SFMBT2: variants seen among roughly 807,000 people sequenced by gnomAD.
SFMBT2 encodes the protein scm-like with four MBT domains protein 2.
SFMBT2 carries 38 observed loss-of-function variants against 110.1 expected under a neutral mutation model. That is an observed-to-expected ratio of 0.35 (90% CI 0.27 to 0.45). SFMBT2 has a LOEUF of 0.45. Among genes scored for constraint, SFMBT2 ranks in the 20% least tolerant of loss-of-function variants. SFMBT2 has a pLI of 1.00. For missense variants in SFMBT2, 1,011 were observed against 1,094.9 expected, an observed-to-expected ratio of 0.92 and a Z score of 1.08; for synonymous variants, 425 against 425.4, an observed-to-expected ratio of 1.00 and a Z score of 0.01.
intron 2 of SFMBT2, among the ~76,000 whole-genome samples, chr10:7,371,887 C>T (rs4748875): frequency 0.11 from 15,642 of 145,352 alleles, 1,086 homozygotes; most frequent in African/African-American, 0.2. Context: ...ATGCCTTCTT[C>T]TGGAGACTAT....
intron 4 of SFMBT2, among the ~76,000 whole-genome samples, chr10:7,346,939 G>A (rs1276866529): frequency 5.9e-5 from 9 of 152,056 alleles, no homozygotes; most frequent in Admixed American, 4.6e-4. Context: ...ACAGTAAGCC[G>A]AGATTGTGCC....
At chr10:7,314,409 T>G (rs1023866192) in intron 4 of SFMBT2, among the ~76,000 whole-genome samples, 1 of 152,228 alleles carries the variant, frequency 6.6e-6, no homozygotes, top group African/African-American at 2.4e-5. Flanking sequence ...ATCCAAATGT[T>G]GAACTGCTAG....
At chr10:7,260,561 T>C (rs78984016) in intron 7 of SFMBT2, among the ~76,000 whole-genome samples, 9,598 of 152,172 alleles carry the variant, frequency 0.063, 407 homozygotes, top group Admixed American at 0.089. Context: ...TTCCAGAAAC[T>C]ACCAGCAGAT....
intron 1 of SFMBT2, among the ~76,000 whole-genome samples, chr10:7,405,058 AG>A (rs1224772405): frequency 6.6e-6 from 1 of 152,208 alleles, no homozygotes; most frequent in African/African-American, 2.4e-5. Flanking sequence ...TATTTTTCTT[AG>A]GAATTGTCCC....
At chr10:7,210,367 C>T (rs529721494) in intron 11 of SFMBT2, among the ~76,000 whole-genome samples, 2 of 152,198 alleles carry the variant, frequency 1.3e-5, no homozygotes, top group Admixed American at 6.5e-5. Context: ...CAGGAGAGAG[C>T]GCGAGCATGC....
chr10:7,322,544 T>C (rs1219181526), intron 4 of SFMBT2, among the ~76,000 whole-genome samples: 2 of 152,120 alleles, frequency 1.3e-5, no homozygotes, highest in African/African-American at 4.8e-5. Context: ...CTTTACTTTT[T>C]AGAAATTCTA....
In SFMBT2 at chr10:7,314,925, A is replaced by AAGAG. The variant is rs368054772; in HGVS notation, c.437-28975_437-28972dup. 6.7e-5 allele frequency among the ~76,000 whole-genome samples: 10 copies of AAGAG among 149,946 alleles called. 2 individuals are homozygous for AAGAG. The highest frequency in any genetic ancestry group is 6.0e-4 in the Admixed American group (9 of 14,972). The stretch of plus-strand genomic sequence containing the variant: ...AGAGAGAAAGAGAAAGAGAAACAGA[A>AAGAG]AGAGAGAGAGAGAGAAAGAGAAAGA... On this transcript the variant is annotated intron_variant, in intron 4 of 20. Transcript: ENST00000397167.
intron 4 of SFMBT2, among the ~76,000 whole-genome samples, chr10:7,335,648 C>T (rs940115819): frequency 6.7e-6 from 1 of 148,380 alleles, no homozygotes; most frequent in Non-Finnish European, 1.5e-5. Flanking sequence ...GCACAGAACA[C>T]TTCATATTAA....
rs575374074 is a variant in SFMBT2, at chr10:7,270,227, G to A, written c.870+6665C>T. On this transcript the variant is annotated intron_variant, in intron 7 of 20. Coordinates refer to ENST00000397167, the MANE Select transcript of SFMBT2 (RefSeq NM_001387889.1). ...ACCGAGGGAGGTGGCCACAGACCAA[G>A]CAAAGCCCAGGACACAGGCGACCCC... is the stretch of plus-strand genomic sequence containing the variant. Among the ~76,000 whole-genome samples, 8 of 152,284 alleles carry A rather than the reference G, an allele frequency of 5.3e-5. No individual in the cohort carries two copies. The East Asian group carries it at 1.5e-3, about 29-fold the overall frequency.
intron 10 of SFMBT2, among the ~76,000 whole-genome samples, chr10:7,226,946 G>A (rs1403599812): frequency 1.3e-5 from 2 of 152,062 alleles, no homozygotes; most frequent in African/African-American, 4.8e-5. Context: ...ACAATGAAGC[G>A]GCCTGATGAT....
chr10:7,351,886 T>A (rs940385994), intron 4 of SFMBT2, among the ~76,000 whole-genome samples: 1 of 151,438 alleles, frequency 6.6e-6, no homozygotes, highest in Admixed American at 6.6e-5. Context: ...AAAAAATATA[T>A]ATATATATAT....
At chr10:7,388,281 T>A (rs1315268211) in intron 1 of SFMBT2, among the ~76,000 whole-genome samples, 1 of 150,538 alleles carries the variant, frequency 6.6e-6, no homozygotes, top group African/African-American at 2.4e-5. Context: ...TGGTGATAAG[T>A]GCTATAGGGA....
chr10:7,173,091 C>T (rs958913145), intron 17 of SFMBT2, among the ~76,000 whole-genome samples: 1 of 152,230 alleles, frequency 6.6e-6, no homozygotes, highest in Admixed American at 6.5e-5. Flanking sequence ...GAAACCAAAG[C>T]TGCTGACACC....
chr10:7,315,322 C>A (rs1399111105), intron 4 of SFMBT2, among the ~76,000 whole-genome samples: 3 of 152,172 alleles, frequency 2.0e-5, no homozygotes, highest in Non-Finnish European at 4.4e-5. Flanking sequence ...GGGCCACATC[C>A]CATCCATCGC....
intron 15 of SFMBT2, among the ~76,000 whole-genome samples, chr10:7,192,698 G>T (rs1286970928): frequency 6.6e-6 from 1 of 152,122 alleles, no homozygotes; most frequent in African/African-American, 2.4e-5. Context: ...ATCCCAAACC[G>T]CCAGGTCCCA....
At chr10:7,290,111 G>A (rs1268694910) in intron 4 of SFMBT2, among the ~76,000 whole-genome samples, 3 of 151,986 alleles carry the variant, frequency 2.0e-5, no homozygotes, top group Non-Finnish European at 2.9e-5. Context: ...GCCCAACTAC[G>A]GCATCAAAGA....
At chr10:7,181,338 G>C (rs995856175) in intron 16 of SFMBT2, among the ~76,000 whole-genome samples, 1 of 150,118 alleles carries the variant, frequency 6.7e-6, no homozygotes, top group Non-Finnish European at 1.5e-5. Context: ...CATAATATAA[G>C]TATACTGCAA....
intron 1 of SFMBT2, among the ~76,000 whole-genome samples, chr10:7,410,599 G>A (rs1846347952): frequency 6.6e-6 from 1 of 152,230 alleles, no homozygotes; most frequent in Non-Finnish European, 1.5e-5. Flanking sequence ...ACAACCTGGA[G>A]CGCACAGAGG....
chr10:7,336,949 G>A (rs1477695211), intron 4 of SFMBT2, among the ~76,000 whole-genome samples: 1 of 152,138 alleles, frequency 6.6e-6, no homozygotes, highest in African/African-American at 2.4e-5. Flanking sequence ...GCCAGGCAAC[G>A]TACCATTAGA....
Sources: allele counts gnomAD v4.1 joint callset (sites outside exome capture counted in the v4.1 genomes callset), GRCh38; gene constraint gnomAD v4.1.1; transcripts MANE v1.5; gene names NCBI Gene and HGNC (gene_info 2026-07-23, HGNC 2026-07-21).